Variants in NAXD observed in about 807,000 individuals in gnomAD.
NAXD encodes the protein ATP-dependent (S)-NAD(P)H-hydrate dehydratase.
A neutral mutation model predicts 35.8 loss-of-function variants in NAXD; 22 were observed. The observed-to-expected ratio is 0.62, with a 90% CI of 0.44 to 0.88. The LOEUF is 0.88. NAXD is among the 40% of genes least tolerant of loss of function. The pLI, the probability that NAXD is intolerant of heterozygous loss-of-function variation, is 0.00. For missense variants in NAXD, 428 were observed against 437.7 expected, an observed-to-expected ratio of 0.98 and a Z score of 0.20; for synonymous variants, 189 against 177.6, an observed-to-expected ratio of 1.06 and a Z score of -0.51.
intron 5 of NAXD, among the ~76,000 whole-genome samples, chr13:110,632,308 G>C (rs1886728761): frequency 6.6e-6 from 1 of 152,204 alleles, no homozygotes; most frequent in South Asian, 2.1e-4. Flanking sequence ...CGCGGTGACT[G>C]TTACAGCTCA....
At chr13:110,623,754 G>C (rs939401971) in intron 2 of NAXD, among the ~76,000 whole-genome samples, 1 of 152,206 alleles carries the variant, frequency 6.6e-6, no homozygotes, top group African/African-American at 2.4e-5. Flanking sequence ...CGTCATCTTA[G>C]CATTTTGAGA....
rs1482139953 is a variant in NAXD, at chr13:110,638,628, T to G, written c.*100T>G. 7.5e-7 allele frequency: 1 copy of G among 1,329,628 alleles called. No individual in the cohort carries two copies. 82.4% of individuals were successfully genotyped at this position (1,329,628 alleles called of 1,614,324 possible). ...CGCGTGTGCTGAAGGCGTACGGTGC[T>G]TGCCAGATTTTCAACTTGAGCATAA... On this transcript the variant is annotated 3_prime_UTR_variant, in exon 10 of 10. Transcript: ENST00000680254. This position sits in a 1 kb window ranked among gnomAD's most constrained non-coding sequence, Gnocchi z 5.4.
intron 5 of NAXD, among the ~76,000 whole-genome samples, chr13:110,633,901 A>G (rs1886818887): frequency 6.6e-6 from 1 of 152,212 alleles, no homozygotes; most frequent in Non-Finnish European, 1.5e-5. Context: ...GATTTGGGGA[A>G]TTCTCAGGAA....
At position 110,638,125 on chromosome 13, in the gene NAXD, T is replaced by C; in HGVS notation, c.840-253T>C. 1 of 1,043,256 alleles carries C rather than the reference T, an allele frequency of 9.6e-7. No individual in the cohort carries two copies. The highest frequency in any genetic ancestry group is 1.4e-6 in the Non-Finnish European group (1 of 704,988). 64.6% of individuals were successfully genotyped at this position (1,043,256 alleles called of 1,614,324 possible). A position where few individuals can be genotyped will look rare whatever the true frequency, so the allele number is the denominator to read the frequency against. On this transcript the variant is annotated intron_variant, in intron 9 of 9. Coordinates refer to ENST00000680254, the MANE Select transcript of NAXD (RefSeq NM_001242882.2). The surrounding 1 kb of genome is among the most constrained non-coding windows in gnomAD (Gnocchi z 5.4). ...TTCCCCGGGAACACCTGGCCCACTG[T>C]GTGCCCTAGCCCTGGACCTGTCTCC...
In NAXD at chr13:110,615,725, C is replaced by T. The variant is rs768356933; in HGVS notation, c.46+78C>T. ...CTGCCGTCGCCGGCGCGGTCGTTGTCGCATTGCTCTCGGCCGCACTCGCGC... is the reference window on the plus strand; with the variant it reads ...CTGCCGTCGCCGGCGCGGTCGTTGTTGCATTGCTCTCGGCCGCACTCGCGC... On this transcript the variant is annotated intron_variant, in intron 1 of 9. Coordinates refer to ENST00000680254, the MANE Select transcript of NAXD (RefSeq NM_001242882.2). The T allele has an allele frequency of 2.4e-5, 37 of 1,510,946 alleles. 1 individual carries two copies. The highest frequency in any genetic ancestry group is 3.1e-5 in the Non-Finnish European group (35 of 1,136,162). 93.6% of individuals were successfully genotyped at this position (1,510,946 alleles called of 1,614,324 possible).
Position 110,615,656 on chromosome 13 carries a change from G to A in NAXD, c.46+9G>A. 6.6e-7 allele frequency: 1 copy of A among 1,512,560 alleles called. No individual in the cohort carries two copies. The allele number at this position is 1,512,560 out of a possible 1,614,324, so 93.7% of individuals were successfully genotyped here. On this transcript the variant is annotated intron_variant, in intron 1 of 9. Coordinates refer to ENST00000680254, the MANE Select transcript of NAXD (RefSeq NM_001242882.2). The stretch of plus-strand genomic sequence containing the variant: ...CCGGGCTTGCAGACGAGGTAAGGTC[G>A]ATTCCATTTGGCCCGGGGATGGTCA...
chr13:110,615,495 C>G, upstream of NAXD: 1 of 1,079,794 alleles, frequency 9.3e-7, no homozygotes, highest in Admixed American at 4.1e-5. Context: ...AGTTGGGATC[C>G]CACTGCCGAC....
intron 9 of NAXD, chr13:110,637,725 C>T (rs1886987136): frequency 2.2e-6 from 1 of 460,480 alleles, no homozygotes; most frequent in Non-Finnish European, 4.3e-6. Context: ...TCCCATACCT[C>T]TAAGCATCTC....
chr13:110,622,132 G>T, intron 1 of NAXD, 84 bp from the exon 2 acceptor site: 3 of 1,097,744 alleles, frequency 2.7e-6, no homozygotes, highest in Admixed American at 2.7e-5. Context: ...AATAACTTTG[G>T]AGAGGGTTTT....
At chr13:110,626,885 G>A (rs911513036) in intron 4 of NAXD, among the ~76,000 whole-genome samples, 6 of 152,234 alleles carry the variant, frequency 3.9e-5, no homozygotes, top group African/African-American at 1.4e-4. Context: ...ACTGCAGCAG[G>A]GTCAGTGCGT....
chr13:110,633,530 C>CA (rs1287817153), intron 5 of NAXD, among the ~76,000 whole-genome samples: 1 of 152,232 alleles, frequency 6.6e-6, no homozygotes, highest in Non-Finnish European at 1.5e-5. Context: ...AGTGGGAGCC[C>CA]AGGCAGAGGA....
chr13:110,623,962 A>AT (rs1886361420), intron 2 of NAXD, among the ~76,000 whole-genome samples: 2 of 150,418 alleles, frequency 1.3e-5, no homozygotes, highest in Admixed American at 6.7e-5. Flanking sequence ...AGATCGTGCC[A>AT]TTGCACTCCA....
At chr13:110,620,753 C>T (rs1418827741) in intron 1 of NAXD, among the ~76,000 whole-genome samples, 1 of 152,152 alleles carries the variant, frequency 6.6e-6, no homozygotes, top group Non-Finnish European at 1.5e-5. Context: ...AGACAAAGCT[C>T]TTTTGCTGTG....
At chr13:110,621,406 CAT>C (rs1886257509) in intron 1 of NAXD, among the ~76,000 whole-genome samples, 1 of 152,214 alleles carries the variant, frequency 6.6e-6, no homozygotes, top group Non-Finnish European at 1.5e-5. Flanking sequence ...ATAGAAATAG[CAT>C]ATGTTGTCCT....
chr13:110,627,292 TTAAA>T (rs1163177809), intron 4 of NAXD, 143 bp from the exon 5 acceptor site: 2 of 640,850 alleles, frequency 3.1e-6, no homozygotes, highest in South Asian at 2.1e-5. Context: ...TCTGTACTGA[TTAAA>T]TAATAAATCT....
upstream of NAXD, chr13:110,615,479 T>C (rs1190505378): frequency 1.4e-5 from 13 of 898,980 alleles, no homozygotes; most frequent in Admixed American, 8.4e-5. Context: ...CGGGTGTGAT[T>C]GAGCGAGTTG....
chr13:110,627,101 G>A (rs561957038), intron 4 of NAXD, among the ~76,000 whole-genome samples: 1 of 152,246 alleles, frequency 6.6e-6, no homozygotes, highest in South Asian at 2.1e-4. Flanking sequence ...GCCACATGCA[G>A]TGTGGGGCCT....
intron 5 of NAXD, 45 bp downstream of exon 5, chr13:110,627,592 T>A: frequency 1.4e-6 from 2 of 1,384,832 alleles, no homozygotes; most frequent in Non-Finnish European, 2.1e-6. Context: ...GGCTTAGCCT[T>A]AGGCGTGAAG....
intron 1 of NAXD, among the ~76,000 whole-genome samples, chr13:110,621,859 A>C (rs531118602): frequency 2.0e-5 from 3 of 151,900 alleles, no homozygotes; most frequent in Non-Finnish European, 4.4e-5. Flanking sequence ...ATGAAACCCT[A>C]TCTCTACTGA....
Sources: gnomAD v4.1 joint callset for allele counts (sites outside exome capture counted in the v4.1 genomes callset) on GRCh38, gnomAD v4.1.1 for gene constraint, Gnocchi (gnomAD v3.1) non-coding constraint, MANE v1.5 for transcripts, NCBI Gene and HGNC (gene_info 2026-07-23, HGNC 2026-07-21) for gene names.